Variants in KIF3B observed in about 807,000 individuals in gnomAD.
KIF3B encodes kinesin-like protein KIF3B.
A neutral mutation model predicts 74.3 loss-of-function variants in KIF3B; 38 were observed. The ratio of observed to expected loss-of-function variants is 0.51; its 90% confidence interval spans 0.39 to 0.67. The LOEUF (loss-of-function observed/expected upper bound fraction) is 0.67. Among genes scored for constraint, KIF3B ranks in the 30% least tolerant of loss-of-function variants. KIF3B has a pLI of 0.00. For missense variants in KIF3B, 649 were observed against 932.0 expected, an observed-to-expected ratio of 0.70 and a Z score of 3.95; for synonymous variants, 326 against 342.5, an observed-to-expected ratio of 0.95 and a Z score of 0.53.
intron 1 of KIF3B, among the ~76,000 whole-genome samples, chr20:32,289,665 ATGG>A (rs764997004): frequency 3.3e-5 from 5 of 152,194 alleles, no homozygotes; most frequent in Non-Finnish European, 7.3e-5. Flanking sequence ...TTTTCCATTC[ATGG>A]TGGTTATATA....
chr20:32,282,509 G>A, intron 1 of KIF3B, among the ~76,000 whole-genome samples: 1 of 152,152 alleles, frequency 6.6e-6, no homozygotes, highest in Non-Finnish European at 1.5e-5. Flanking sequence ...AAGCTAGCCA[G>A]GTGCAACTGA....
At chr20:32,314,278 G>A (rs1450381858) in intron 2 of KIF3B, among the ~76,000 whole-genome samples, 4 of 152,152 alleles carry the variant, frequency 2.6e-5, no homozygotes, top group Admixed American at 6.5e-5. Context: ...GGTGGCTCAC[G>A]CCTGTAATCC....
chr20:32,325,625 C>T (rs1010458013), intron 5 of KIF3B, among the ~76,000 whole-genome samples: 129 of 104,752 alleles, frequency 1.2e-3, no homozygotes, highest in South Asian at 0.012. Context: ...TCTAAGGAGT[C>T]TATTTTCATT....
chr20:32,325,864 C>G (rs546806017), intron 5 of KIF3B, among the ~76,000 whole-genome samples: 1 of 150,906 alleles, frequency 6.6e-6, no homozygotes, highest in Admixed American at 6.6e-5. Context: ...GACAGAGTTT[C>G]GCCATGTTGG....
intron 5 of KIF3B, among the ~76,000 whole-genome samples, chr20:32,321,303 C>T (rs1031542318): frequency 1.3e-5 from 2 of 151,938 alleles, no homozygotes; most frequent in Non-Finnish European, 2.9e-5. Context: ...GTGGTGCACA[C>T]CTGTAGTCCC....
intron 5 of KIF3B, among the ~76,000 whole-genome samples, chr20:32,325,928 A>C (rs1488378923): frequency 6.6e-6 from 1 of 151,924 alleles, no homozygotes; most frequent in African/African-American, 2.4e-5. Flanking sequence ...CGGCCTCCCA[A>C]AGTGTTAGGA....
chr20:32,327,586 A>G lies in KIF3B; in HGVS notation c.1893A>G (p.Ser631=). 6.2e-7 allele frequency: 1 copy of G among 1,613,486 alleles called. No homozygotes were observed. Among genetic ancestry groups the G allele is most frequent in the Non-Finnish European group, 8.5e-7 (1 of 1,179,680 alleles). Residue 631 remains serine (S), a synonymous_variant, in exon 7 of 9, where the codon TCA becomes TCG. Transcript: ENST00000375712. ...AGCAGATGATGAAGCGGCCAGTCTC[A>G]GCCGTGGGATATAAGAGACCATTGA... ...ENQQMMKRPV[S]AVGYKRPLSQ... is the part of the protein sequence containing the mutation.
At chr20:32,299,566 A>C (rs2047733693) in intron 1 of KIF3B, among the ~76,000 whole-genome samples, 1 of 150,754 alleles carries the variant, frequency 6.6e-6, no homozygotes, top group Admixed American at 6.6e-5. Flanking sequence ...GCATCGCAGC[A>C]TGCCCTGCTA....
At chr20:32,313,430 A>G (rs1440280620) in intron 2 of KIF3B, among the ~76,000 whole-genome samples, 33 of 152,180 alleles carry the variant, frequency 2.2e-4, no homozygotes, top group Admixed American at 2.2e-3. Flanking sequence ...CCCCTACTGT[A>G]TGAAGCTGTA....
At chr20:32,328,437 A>C (rs2122719204) in intron 7 of KIF3B, among the ~76,000 whole-genome samples, 1 of 146,488 alleles carries the variant, frequency 6.8e-6, no homozygotes, top group Non-Finnish European at 1.5e-5. Flanking sequence ...AACAAAAAAC[A>C]AAAACTAAAA....
At position 32,333,005 on chromosome 20, in the gene KIF3B, A is replaced by G. The variant is rs2047937359; in HGVS notation, c.*1686A>G. ...CTCAGTTCCCAGGGCACATTTCTGG[A>G]TCAGAACCCATGGGAAACAGGAGGT... is the stretch of plus-strand genomic sequence containing the variant. On this transcript the variant is annotated 3_prime_UTR_variant, in exon 9 of 9. Coordinates refer to ENST00000375712, the MANE Select transcript of KIF3B (RefSeq NM_004798.4). 6.6e-6 allele frequency: 1 copy of G among 152,598 alleles called. No homozygotes were observed. Among genetic ancestry groups the G allele is most frequent in the Non-Finnish European group, 1.5e-5 (1 of 68,036 alleles). The allele number at this position is 152,598 out of a possible 1,614,324, so 9.5% of individuals were successfully genotyped here.
chr20:32,301,431 G>A (rs1314694787), intron 1 of KIF3B, among the ~76,000 whole-genome samples: 3 of 151,872 alleles, frequency 2.0e-5, no homozygotes, highest in African/African-American at 7.3e-5. Context: ...AGGCTGGAGT[G>A]TAATGGCGCG....
At chr20:32,294,123 A>G (rs540273116) in intron 1 of KIF3B, among the ~76,000 whole-genome samples, 1 of 151,270 alleles carries the variant, frequency 6.6e-6, no homozygotes, top group South Asian at 2.1e-4. Flanking sequence ...CAAGAACTGC[A>G]TTGATTCTGA....
Position 32,277,706 on chromosome 20 carries a change from C to A in KIF3B, c.-125C>A, listed in dbSNP as rs978525356. 2 of 261,078 alleles carry A rather than the reference C, an allele frequency of 7.7e-6. No homozygotes were observed. The highest frequency in any genetic ancestry group is 1.4e-5 in the Non-Finnish European group (2 of 143,694). 16.2% of individuals were successfully genotyped at this position (261,078 alleles called of 1,614,324 possible). ...ATGGCTGAGCCAGGGGTTCGCCGCC[C>A]CCGCCGCCGCCGCCGCCGCCGCCGC... On this transcript the variant is annotated 5_prime_UTR_variant, in exon 1 of 9. Coordinates refer to ENST00000375712, the MANE Select transcript of KIF3B (RefSeq NM_004798.4).
intron 5 of KIF3B, among the ~76,000 whole-genome samples, chr20:32,319,519 A>G (rs1214729205): frequency 1.8e-5 from 2 of 113,256 alleles, no homozygotes; most frequent in African/African-American, 7.2e-5. Flanking sequence ...TGAAATATAT[A>G]TATTTCATAC....
chr20:32,308,950 C>T (rs1461600233), intron 1 of KIF3B, among the ~76,000 whole-genome samples: 2 of 148,238 alleles, frequency 1.3e-5, no homozygotes, highest in Admixed American at 6.7e-5. Context: ...CTCCTGACCT[C>T]GTGATCCACC....
chr20:32,329,350 C>CT (rs35042287), intron 7 of KIF3B, among the ~76,000 whole-genome samples: 1,886 of 140,584 alleles, frequency 0.013, 37 homozygotes, highest in African/African-American at 0.042. Context: ...CCTTTTTTTT[C>CT]TTTTTTTTTT....
chr20:32,322,722 A>T (rs2047870198), intron 5 of KIF3B, among the ~76,000 whole-genome samples: 6 of 59,870 alleles, frequency 1.0e-4, no homozygotes, highest in African/African-American at 4.3e-4. Context: ...ATATATTTAT[A>T]TTTATTTATT....
At position 32,310,697 on chromosome 20, in the gene KIF3B, G is replaced by A. The variant is rs2047795673; in HGVS notation, c.920G>A (p.Gly307Asp). 1 of 1,614,052 alleles carries A rather than the reference G, an allele frequency of 6.2e-7. No individual in the cohort carries two copies. The highest frequency in any genetic ancestry group is 1.7e-5 in the Admixed American group (1 of 60,000). Reference sequence around the variant, plus strand: ...AGGCTCCTCCAAGATTCCCTTGGTGGCAATGCCAAGACTGTGATGGTGGCC... The same window carrying A: ...AGGCTCCTCCAAGATTCCCTTGGTGACAATGCCAAGACTGTGATGGTGGCC... Reference protein sequence around the residue: ...LTRLLQDSLGGNAKTVMVANV... With the variant: ...LTRLLQDSLGDNAKTVMVANV... The change falls in exon 2 of 9, where the codon GGC (glycine) becomes GAC (aspartate). Residue 307 changes from glycine to aspartate, a missense_variant. By Grantham distance (94) the Gly-to-Asp change is moderately conservative. Coordinates refer to ENST00000375712, the MANE Select transcript of KIF3B (RefSeq NM_004798.4). This position sits in a 1 kb window ranked among gnomAD's most constrained non-coding sequence, Gnocchi z 6.5.
Sources: gnomAD v4.1 joint callset for allele counts (sites outside exome capture counted in the v4.1 genomes callset) on GRCh38, gnomAD v4.1.1 for gene constraint, Gnocchi (gnomAD v3.1) non-coding constraint, MANE v1.5 for transcripts, NCBI Gene and HGNC (gene_info 2026-07-23, HGNC 2026-07-21) for gene names.